TTC28: variants seen among roughly 807,000 people sequenced by gnomAD.
TTC28 encodes tetratricopeptide repeat domain 28.
A neutral mutation model predicts 198.0 loss-of-function variants in TTC28; 61 were observed. The ratio of observed to expected loss-of-function variants is 0.31; its 90% confidence interval spans 0.25 to 0.38. The LOEUF (loss-of-function observed/expected upper bound fraction) is 0.38, where lower values mean the gene tolerates loss of function less well. TTC28 is among the 10% of genes least tolerant of loss of function. The pLI is 1.00. For missense variants in TTC28, 2,678 were observed against 3,164.0 expected (o/e 0.85, Z 3.69); for synonymous variants, 1,171 against 1,297.8 (o/e 0.90, Z 2.10).
At chr22:28,145,904 G>A (rs899307924) in intron 6 of TTC28, among the ~76,000 whole-genome samples, 1 of 152,158 alleles carries the variant, frequency 6.6e-6, no homozygotes, top group African/African-American at 2.4e-5. Context: ...CATGAGATGG[G>A]TGCTATAATT....
chr22:28,083,952 C>G (rs376370254), intron 12 of TTC28, among the ~76,000 whole-genome samples: 9 of 152,226 alleles, frequency 5.9e-5, no homozygotes, highest in African/African-American at 2.2e-4. Context: ...AAGGCGGAAG[C>G]GAGGCTGTGG....
chr22:28,153,284 C>A (rs1943652406), intron 6 of TTC28, among the ~76,000 whole-genome samples: 1 of 151,430 alleles, frequency 6.6e-6, no homozygotes, highest in Non-Finnish European at 1.5e-5. Context: ...AACTTTTACT[C>A]CAACCCATGA....
chr22:28,248,023 G>A (rs1930237741), intron 5 of TTC28, among the ~76,000 whole-genome samples: 1 of 152,208 alleles, frequency 6.6e-6, no homozygotes, highest in East Asian at 1.9e-4. Context: ...ATATCATAGT[G>A]TGATAAACAT....
At chr22:28,121,606 A>G (rs1267192677) in intron 6 of TTC28, among the ~76,000 whole-genome samples, 4 of 152,234 alleles carry the variant, frequency 2.6e-5, no homozygotes, top group African/African-American at 9.6e-5. Context: ...AAATTGAACT[A>G]AAATTGAAAT....
At chr22:28,193,429 C>T (rs930871819) in intron 5 of TTC28, among the ~76,000 whole-genome samples, 14 of 152,158 alleles carry the variant, frequency 9.2e-5, no homozygotes, top group South Asian at 2.1e-4. Context: ...CAAATTCACA[C>T]ATAACAATAT....
In TTC28 at chr22:28,306,549, C is replaced by A; in HGVS notation, c.476G>T (p.Ser159Ile). The A allele has an allele frequency of 6.4e-7, 1 of 1,551,190 alleles. No individual in the cohort carries two copies. The highest frequency in any genetic ancestry group is 8.7e-7 in the Non-Finnish European group (1 of 1,146,882). Reference protein sequence around the residue: ...FASGLAQDPKSLQLLVGMVEA... With the variant: ...FASGLAQDPKILQLLVGMVEA... ...CACCATCCCCACCAGAAGCTGGAGA[C>A]TCTTGGGGTCTTGAGCCAGTCCAGA... Residue 159 changes from serine (S) to isoleucine (I), a missense_variant, in exon 3 of 23, where the codon AGT becomes ATT. Ser to Ile is a moderately radical substitution (Grantham distance 142, BLOSUM62 -2). Coordinates refer to ENST00000397906, the MANE Select transcript of TTC28 (RefSeq NM_001145418.2).
chr22:28,120,430 T>G (rs1253444615), intron 6 of TTC28, among the ~76,000 whole-genome samples: 2 of 152,174 alleles, frequency 1.3e-5, no homozygotes, highest in East Asian at 3.9e-4. Context: ...TTGAAGACAC[T>G]CACAGAGGCC....
rs1470004875 is a variant in TTC28 at position 28,296,249 on chromosome 22, G to A, written c.882C>T (p.Leu294=). 3.2e-6 allele frequency: 5 copies of A among 1,550,988 alleles called. No individual in the cohort carries two copies. In the Admixed American group the frequency reaches 9.8e-5, roughly 30 times the overall value. Residue 294 remains leucine (L), a synonymous_variant, in exon 5 of 23, where the codon CTC becomes CTT. Coordinates refer to ENST00000397906, the MANE Select transcript of TTC28 (RefSeq NM_001145418.2). ...GTACCAACTGATGCCTGTGGTTAGTGAGAGCCTCCCGGTAATTTCCTTTGG... is the reference window on the plus strand; with the variant it reads ...GTACCAACTGATGCCTGTGGTTAGTAAGAGCCTCCCGGTAATTTCCTTTGG... ...FFSKGNYREA[L]TNHRHQLVLA...
rs370319863 is a variant in TTC28, at chr22:28,595,939, A to G, written c.381+33613T>C. Among the ~76,000 whole-genome samples the G allele has an allele frequency of 5.3e-5, 8 of 152,188 alleles. No individual in the cohort carries two copies. In the South Asian group the frequency reaches 8.3e-4, roughly 16 times the overall value. ...CTCTGTCTCAAAAAATAATAATAAC[A>G]TGTAAGTCACTGTTCTACACACAGG... On this transcript the variant is annotated intron_variant, in intron 2 of 22. Coordinates refer to ENST00000397906, the MANE Select transcript of TTC28 (RefSeq NM_001145418.2).
intron 13 of TTC28, among the ~76,000 whole-genome samples, chr22:28,018,033 G>A (rs2146593858): frequency 6.6e-6 from 1 of 152,292 alleles, no homozygotes; most frequent in South Asian, 2.1e-4. Context: ...TGCCCCCCTA[G>A]ATGCCACATC....
chr22:28,228,883 G>A (rs772220982), intron 5 of TTC28, among the ~76,000 whole-genome samples: 23 of 152,146 alleles, frequency 1.5e-4, no homozygotes, highest in Non-Finnish European at 2.1e-4. Context: ...CCGGCGAGGC[G>A]TGGTGGCTCA....
At chr22:28,406,730 G>T (rs942453445) in intron 2 of TTC28, among the ~76,000 whole-genome samples, 2 of 152,178 alleles carry the variant, frequency 1.3e-5, no homozygotes, top group Non-Finnish European at 2.9e-5. Context: ...TCTAATCCTA[G>T]TCTTCTGGTT....
chr22:28,400,680 C>T (rs1458093852), intron 2 of TTC28, among the ~76,000 whole-genome samples: 2 of 152,068 alleles, frequency 1.3e-5, no homozygotes, highest in African/African-American at 4.8e-5. Context: ...AAAACAGAAC[C>T]TTCAAGTTAG....
chr22:28,124,168 TTTGTTGTTG>T lies in TTC28; in HGVS notation c.1442-15774_1442-15766del, dbSNP rs71316831. On this transcript the variant is annotated intron_variant, in intron 6 of 22. Coordinates refer to ENST00000397906, the MANE Select transcript of TTC28 (RefSeq NM_001145418.2). ...TGTAGCAATTTTTCACTTATCTCTCTTTGTTGTTGTTGTTGTTGTTGTTGTTGTTGTTTG... is the reference window on the plus strand; with the variant it reads ...TGTAGCAATTTTTCACTTATCTCTCTTTGTTGTTGTTGTTGTTGTTGTTTG... Among the ~76,000 whole-genome samples the T allele has an allele frequency of 4.0e-3, 600 of 148,200 alleles. 2 individuals carry two copies. Among genetic ancestry groups the T allele is most frequent in the Admixed American group, 6.3e-3 (93 of 14,766 alleles).
chr22:28,549,348 G>A (rs1380734762), intron 2 of TTC28, among the ~76,000 whole-genome samples: 1 of 152,070 alleles, frequency 6.6e-6, no homozygotes, highest in East Asian at 1.9e-4. Flanking sequence ...TAATTATTGA[G>A]CACACTATTA....
intron 2 of TTC28, among the ~76,000 whole-genome samples, chr22:28,457,918 TA>T (rs1211684471): frequency 3.9e-5 from 6 of 152,210 alleles, no homozygotes; most frequent in African/African-American, 4.8e-5. Context: ...TTCCCTTTTA[TA>T]ACTCTAAATG....
At chr22:28,323,438 A>G (rs568520275) in intron 2 of TTC28, among the ~76,000 whole-genome samples, 37 of 152,170 alleles carry the variant, frequency 2.4e-4, no homozygotes, top group African/African-American at 8.4e-4. Context: ...AATAATTAAA[A>G]AGAAGCAGAA....
chr22:28,395,358 GTACTAGAAAACATTT>G (rs1215139428), intron 2 of TTC28, among the ~76,000 whole-genome samples: 1 of 151,882 alleles, frequency 6.6e-6, no homozygotes, highest in African/African-American at 2.4e-5. Flanking sequence ...GACAAGTGTG[GTACTAGAAAACATTT>G]TCCTTATAAA....
At chr22:28,594,954 A>G (rs2050512853) in intron 2 of TTC28, among the ~76,000 whole-genome samples, 1 of 152,182 alleles carries the variant, frequency 6.6e-6, no homozygotes, top group South Asian at 2.1e-4. Context: ...CTTCTGAGAA[A>G]ATAATATCAG....
Sources: gnomAD v4.1 joint callset for allele counts (sites outside exome capture counted in the v4.1 genomes callset) on GRCh38, gnomAD v4.1.1 for gene constraint, MANE v1.5 for transcripts, NCBI Gene and HGNC (gene_info 2026-07-23, HGNC 2026-07-21) for gene names.